Variants in NLRP2 observed in about 807,000 individuals in gnomAD.
The protein encoded by NLRP2 is NACHT, LRR and PYD domains-containing protein 2.
NLRP2 carries 107 observed loss-of-function variants against 97.2 expected under a neutral mutation model. The ratio of observed to expected loss-of-function variants is 1.10; its 90% CI spans 0.94 to 1.29. The LOEUF is 1.29. NLRP2 is among the 50% of genes most tolerant of loss of function. NLRP2 has a pLI of 0.00. For synonymous variants in NLRP2, 663 were observed against 551.5 expected (o/e 1.20, Z -2.83); for missense variants, 1,495 against 1,330.3 (o/e 1.12, Z -1.93).
At chr19:54,995,664 T>C (rs372057292) in intron 11 of NLRP2, among the ~76,000 whole-genome samples, 1 of 152,032 alleles carries the variant, frequency 6.6e-6, no homozygotes, top group South Asian at 2.1e-4. Flanking sequence ...TGGTCTCAAC[T>C]TGGCTATCTT....
At chr19:54,993,260 A>G (rs879200978) in intron 10 of NLRP2, 1 of 147,104 alleles carries the variant, frequency 6.8e-6, no homozygotes, top group Admixed American at 6.8e-5. Context: ...TAAAGTTTCA[A>G]GATTTGGGGG....
chr19:54,978,926 G>A (rs2071409626), intron 4 of NLRP2, among the ~76,000 whole-genome samples: 1 of 151,850 alleles, frequency 6.6e-6, no homozygotes, highest in African/African-American at 2.4e-5. Context: ...ACAACTTACA[G>A]AGAAAATTGA....
In NLRP2 at chr19:54,985,094, C is replaced by A; in HGVS notation, c.2078C>A (p.Ser693Tyr). The change falls in exon 7 of 13, where the codon TCC (serine) becomes TAC (tyrosine). Residue 693 changes from serine (S) to tyrosine (Y), a missense_variant. Ser to Tyr is a moderately radical substitution (Grantham distance 144, BLOSUM62 -2). Transcript: ENST00000448584. Reference protein sequence around the residue: ...HMLPFWTDLCSIFGSNKDLMG... With the variant: ...HMLPFWTDLCYIFGSNKDLMG... ...CTTCCTTTCTGGACGGACCTTTGTT[C>A]CATATTTGGATCAAATAAGGATCTG... 1 of 1,614,108 alleles carries A rather than the reference C, an allele frequency of 6.2e-7. No homozygotes were observed. Among genetic ancestry groups the A allele is most frequent in the Non-Finnish European group, 8.5e-7 (1 of 1,180,014 alleles).
At position 54,982,655 on chromosome 19, in the gene NLRP2, G is replaced by A; in HGVS notation, c.957G>A (p.Gly319=). The A allele has an allele frequency of 6.2e-7, 1 of 1,614,182 alleles. No homozygotes were observed. The highest frequency in any genetic ancestry group is 8.5e-7 in the Non-Finnish European group (1 of 1,180,036). ...EKKKPVPVLL[G]SLLNRVMLPK... ...AGAAGCCGGTGCCCGTCCTCCTGGGGAGTTTGCTGAACAGGGTGATGTTAC... is the reference window on the plus strand; with the variant it reads ...AGAAGCCGGTGCCCGTCCTCCTGGGAAGTTTGCTGAACAGGGTGATGTTAC... The change falls in exon 6 of 13, where the codon GGG becomes GGA. Residue 319 remains glycine, a synonymous_variant. Transcript: ENST00000448584.
intron 10 of NLRP2, chr19:54,993,774 C>A (rs920977053): frequency 1.6e-5 from 4 of 255,328 alleles, no homozygotes; most frequent in Non-Finnish European, 3.1e-5. Flanking sequence ...AAGGCTGGGG[C>A]ACAAGAATCG....
chr19:54,970,701 G>A lies in NLRP2; in HGVS notation c.280+406G>A, dbSNP rs2070788167. Among the ~76,000 whole-genome samples the A allele has an allele frequency of 4.1e-5, 6 of 146,592 alleles. No homozygotes were observed. The South Asian group carries it at 1.3e-3, about 31-fold the overall frequency. ...ATTGAGGCTTGGAGAGGGACTGCTTGTTCTGAATGCAGGTGCTGGATCTTC... is the reference window on the plus strand; with the variant it reads ...ATTGAGGCTTGGAGAGGGACTGCTTATTCTGAATGCAGGTGCTGGATCTTC... On this transcript the variant is annotated intron_variant, in intron 2 of 12. Transcript: ENST00000448584.
rs145164030 is a variant in NLRP2 at position 54,986,282 on chromosome 19, T to C, written c.2333T>C (p.Leu778Ser). 2 of 1,614,024 alleles carry C rather than the reference T, an allele frequency of 1.2e-6. No homozygotes were observed. Among genetic ancestry groups the C allele is most frequent in the African/African-American group, 2.7e-5 (2 of 74,938 alleles). ...DDMFPALCEV[L>S]RHPECNLRYL... ...ATGTTTCCCGCATTGTGTGAGGTCT[T>C]GAGACATCCAGAATGTAACCTGCGA... Residue 778 changes from leucine (L) to serine (S), a missense_variant, in exon 8 of 13, where the codon TTG becomes TCG. Physicochemically the swap from Leu to Ser is moderately radical, Grantham distance 145. Coordinates refer to ENST00000448584, the MANE Select transcript of NLRP2 (RefSeq NM_017852.5).
intron 7 of NLRP2, among the ~76,000 whole-genome samples, chr19:54,985,683 AAAAAAAAAAAAAAAAG>A (rs2072014345): frequency 7.1e-6 from 1 of 140,142 alleles, no homozygotes; most frequent in South Asian, 2.1e-4. Flanking sequence ...GTCTCAAAAA[AAAAAAAAAAAAAAAAG>A]AAAAAGAAAA....
chr19:54,997,442 T>C lies in NLRP2; in HGVS notation c.3005T>C (p.Leu1002Pro). 2 of 1,614,222 alleles carry C rather than the reference T, an allele frequency of 1.2e-6. No homozygotes were observed. The highest frequency in any genetic ancestry group is 1.7e-6 in the Non-Finnish European group (2 of 1,180,044). The change falls in exon 12 of 13, where the codon CTG becomes CCG. Residue 1002 changes from leucine to proline, a missense_variant. Physicochemically the swap from Leu to Pro is moderately conservative, Grantham distance 98. Transcript: ENST00000448584. Reference sequence around the variant, plus strand: ...TTGGGGTCTAGTGGAGTGAAGATGCTGTTTGAAACCTTGACATGTTCCAGT... The same window carrying C: ...TTGGGGTCTAGTGGAGTGAAGATGCCGTTTGAAACCTTGACATGTTCCAGT... ...NPLGSSGVKM[L>P]FETLTCSSGT...
chr19:54,996,699 G>GT (rs1363051442), intron 11 of NLRP2, among the ~76,000 whole-genome samples: 1 of 151,720 alleles, frequency 6.6e-6, no homozygotes, highest in Non-Finnish European at 1.5e-5. Context: ...TCTATTTTAC[G>GT]TGTCAGTCAC....
Position 54,983,305 on chromosome 19 carries a change from A to C in NLRP2, c.1607A>C (p.Gln536Pro). ...DGHTWDIGDV[Q>P]KLLSGVERLR... ...CACACCTGGGACATTGGGGACGTAC[A>C]GAAGCTGCTTTCCGGAGTAGAAAGA... is the stretch of plus-strand genomic sequence containing the variant. The change falls in exon 6 of 13, where the codon CAG becomes CCG. Residue 536 changes from glutamine (Q) to proline (P), a missense_variant. Physicochemically the swap from Gln to Pro is moderately conservative, Grantham distance 76. Transcript: ENST00000448584. The C allele has an allele frequency of 6.2e-7, 1 of 1,614,194 alleles. No individual in the cohort carries two copies. The highest frequency in any genetic ancestry group is 8.5e-7 in the Non-Finnish European group (1 of 1,180,030).
rs1281575609 is a variant in NLRP2, at chr19:54,974,089, C to G, written c.281-411C>G. 3 of 881,254 alleles carry G rather than the reference C, an allele frequency of 3.4e-6. No individual in the cohort carries two copies. In the African/African-American group the frequency reaches 5.0e-5, roughly 15 times the overall value. 54.6% of individuals were successfully genotyped at this position (881,254 alleles called of 1,614,324 possible). On this transcript the variant is annotated intron_variant, in intron 2 of 12. Transcript: ENST00000448584. ...AGATACAAGCAGCCAAGCGCGGTGG[C>G]TCACGCCTGTAATCCCAACACTTTG...
intron 8 of NLRP2, among the ~76,000 whole-genome samples, chr19:54,988,502 T>C (rs1180608457): frequency 6.6e-6 from 1 of 152,046 alleles, no homozygotes; most frequent in African/African-American, 2.4e-5. Context: ...TACGCCATGC[T>C]GGTGGCCAGG....
chr19:54,987,984 C>G (rs1568516872), intron 8 of NLRP2, among the ~76,000 whole-genome samples: 1 of 152,112 alleles, frequency 6.6e-6, no homozygotes, highest in South Asian at 2.1e-4. Flanking sequence ...GCAGAGGTAG[C>G]AGTGAGCCAA....
Position 54,986,138 on chromosome 19 carries a change from C to G in NLRP2, c.2202-13C>G, listed in dbSNP as rs71367132. 6.2e-7 allele frequency: 1 copy of G among 1,602,158 alleles called. No individual in the cohort carries two copies. The highest frequency in any genetic ancestry group is 2.2e-5 in the East Asian group (1 of 44,844). On this transcript the variant is annotated splice_polypyrimidine_tract_variant and intron_variant, in intron 7 of 12. Transcript: ENST00000448584. ...ACACACTAAAGATTTCACTTTCGTT[C>G]TCTTTTCCCTAGGTTCAAAAACATT...
chr19:54,978,210 G>C (rs974643008), intron 4 of NLRP2, among the ~76,000 whole-genome samples: 1 of 150,532 alleles, frequency 6.6e-6, no homozygotes, highest in African/African-American at 2.4e-5. Flanking sequence ...TGGGATTATA[G>C]GCACCTGCCA....
At chr19:54,997,239 A>C in intron 11 of NLRP2, 78 bp from the exon 12 acceptor site, 1 of 1,453,260 alleles carries the variant, frequency 6.9e-7, no homozygotes, top group Non-Finnish European at 9.7e-7. Flanking sequence ...TCCCCAACAC[A>C]CGAGGGTGGG....
chr19:54,993,956 G>T (rs1472051603), intron 10 of NLRP2: 6 of 472,662 alleles, frequency 1.3e-5, no homozygotes, highest in Non-Finnish European at 2.3e-5. Flanking sequence ...ACCTCCTGCT[G>T]GCTTTGACTC....
At chr19:54,985,269 C>A in intron 7 of NLRP2, 52 bp downstream of exon 7, 2 of 1,531,072 alleles carry the variant, frequency 1.3e-6, no homozygotes, top group Non-Finnish European at 1.8e-6. Context: ...GAAAATGGTA[C>A]AATGTTAACA....
Sources: gnomAD v4.1 joint callset for allele counts (sites outside exome capture counted in the v4.1 genomes callset) on GRCh38, gnomAD v4.1.1 for gene constraint, MANE v1.5 for transcripts, NCBI Gene and HGNC (gene_info 2026-07-23, HGNC 2026-07-21) for gene names.